The following CCDC91 variants were observed in gnomAD, a reference collection of about 807,000 sequenced individuals.
CCDC91 encodes the protein coiled-coil domain-containing protein 91.
Under a neutral mutation model 63.2 loss-of-function variants are expected in CCDC91, and 48 were observed. That is an observed-to-expected ratio of 0.76 (90% CI 0.60 to 0.97). The LOEUF is 0.97. CCDC91 is among the 50% of genes least tolerant of loss of function. CCDC91 has a pLI of 0.00. For missense variants in CCDC91, 500 were observed against 494.6 expected, an observed-to-expected ratio of 1.01 and a Z score of -0.10; for synonymous variants, 167 against 165.8, an observed-to-expected ratio of 1.01 and a Z score of -0.06.
chr12:28,290,148 C>G (rs1949153946), intron 3 of CCDC91, among the ~76,000 whole-genome samples: 1 of 152,082 alleles, frequency 6.6e-6, no homozygotes, highest in East Asian at 1.9e-4. Context: ...GTCTAAGGCT[C>G]TTTGAAGGTC....
At position 28,259,437 on chromosome 12, in the gene CCDC91, C is replaced by T; in HGVS notation, c.104C>T (p.Pro35Leu). Residue 35 changes from proline (P) to leucine (L), a missense_variant, in exon 3 of 13, where the codon CCT becomes CTT. By Grantham distance (98) the Pro-to-Leu change is moderately conservative (BLOSUM62 -3). Transcript: ENST00000536442. ...CCTGCTATTCCTTGGGCTGCCTTTCCTGCAGGTATTGGTATCCAGGAATTA... is the reference window on the plus strand; with the variant it reads ...CCTGCTATTCCTTGGGCTGCCTTTCTTGCAGGTATTGGTATCCAGGAATTA... The part of the protein sequence containing the change: ...TSPAIPWAAF[P>L]AVSGVHLSPS... 2 of 1,591,690 alleles carry T rather than the reference C, an allele frequency of 1.3e-6. No homozygotes were observed. Among genetic ancestry groups the T allele is most frequent in the South Asian group, 1.1e-5 (1 of 90,500 alleles).
rs543223510 is a variant in CCDC91 at position 28,416,127 on chromosome 12, A to G, written c.762+24716A>G. On this transcript the variant is annotated intron_variant, in intron 8 of 12. Transcript: ENST00000536442. ...CTTGGAGTTTCCAAAAATCTAACAC[A>G]GGAAAAAGGGTACTAATGTCTTTAT... is the stretch of plus-strand genomic sequence containing the variant. 3.4e-3 allele frequency among the ~76,000 whole-genome samples: 523 copies of G among 152,246 alleles called. 3 individuals carry two copies. Among genetic ancestry groups the G allele is most frequent in the Non-Finnish European group, 6.2e-3 (425 of 68,014 alleles).
intron 6 of CCDC91, among the ~76,000 whole-genome samples, chr12:28,339,539 A>G (rs960437650): frequency 6.6e-6 from 1 of 152,008 alleles, no homozygotes; most frequent in Non-Finnish European, 1.5e-5. Context: ...GAAAAAAAAA[A>G]CAATAAAAAT....
At chr12:28,247,218 C>T (rs1432580921) in intron 1 of CCDC91, among the ~76,000 whole-genome samples, 3 of 152,148 alleles carry the variant, frequency 2.0e-5, no homozygotes, top group African/African-American at 2.4e-5. Context: ...TGGTGGCTCA[C>T]GCCTGTAATC....
intron 11 of CCDC91, among the ~76,000 whole-genome samples, chr12:28,463,139 A>G (rs1467355497): frequency 4.6e-5 from 7 of 152,210 alleles, no homozygotes; most frequent in South Asian, 4.1e-4. Context: ...AACTACAGAA[A>G]TATGTCAAAT....
chr12:28,235,100 A>G (rs964856865), intron 1 of CCDC91, among the ~76,000 whole-genome samples: 2 of 152,126 alleles, frequency 1.3e-5, no homozygotes, highest in Non-Finnish European at 2.9e-5. Context: ...CAAATTTCTT[A>G]TATGGAGGGT....
intron 3 of CCDC91, among the ~76,000 whole-genome samples, chr12:28,292,585 G>C (rs1949317913): frequency 6.6e-6 from 1 of 151,292 alleles, no homozygotes. Flanking sequence ...CATGTGTTTA[G>C]GTATCTAGCT....
At chr12:28,277,328 A>G (rs1195628515) in intron 3 of CCDC91, among the ~76,000 whole-genome samples, 2 of 152,006 alleles carry the variant, frequency 1.3e-5, no homozygotes, top group Admixed American at 1.3e-4. Context: ...TTCTTTGATG[A>G]GGATAATAAA....
intron 11 of CCDC91, among the ~76,000 whole-genome samples, chr12:28,464,080 G>A (rs1424985924): frequency 1.3e-5 from 2 of 152,154 alleles, no homozygotes; most frequent in Non-Finnish European, 2.9e-5. Flanking sequence ...TGCTGCCCTT[G>A]TTATACCAGA....
chr12:28,362,206 T>C (rs1432703860), intron 6 of CCDC91, among the ~76,000 whole-genome samples: 1 of 151,388 alleles, frequency 6.6e-6, no homozygotes, highest in Non-Finnish European at 1.5e-5. Context: ...CCTCTCAACA[T>C]GGTTTTCCTT....
At chr12:28,517,177 A>G (rs1228433716) in intron 12 of CCDC91, among the ~76,000 whole-genome samples, 4 of 151,896 alleles carry the variant, frequency 2.6e-5, no homozygotes, top group Non-Finnish European at 5.9e-5. Flanking sequence ...ATATGCTTTT[A>G]AATTACTTAA....
chr12:28,310,592 T>C (rs527491438), intron 6 of CCDC91, among the ~76,000 whole-genome samples: 2 of 152,126 alleles, frequency 1.3e-5, no homozygotes, highest in South Asian at 2.1e-4. Context: ...AAATAAATTA[T>C]AGAAAAATGT....
intron 8 of CCDC91, among the ~76,000 whole-genome samples, chr12:28,425,864 T>C (rs1275575085): frequency 6.6e-6 from 1 of 152,154 alleles, no homozygotes; most frequent in African/African-American, 2.4e-5. Context: ...TCAGTCTGTT[T>C]CAGCAATCCC....
intron 8 of CCDC91, among the ~76,000 whole-genome samples, chr12:28,415,753 A>G (rs1947618300): frequency 6.6e-6 from 1 of 152,032 alleles, no homozygotes; most frequent in Non-Finnish European, 1.5e-5. Flanking sequence ...ACCTGAAAAT[A>G]TTCTTGTGAA....
intron 8 of CCDC91, among the ~76,000 whole-genome samples, chr12:28,426,521 C>T (rs1231381759): frequency 3.3e-5 from 5 of 151,942 alleles, no homozygotes; most frequent in Admixed American, 1.3e-4. Context: ...TCCTAAATCT[C>T]AAAATTTTGC....
At chr12:28,239,522 TATTAA>T (rs745349938) in intron 1 of CCDC91, among the ~76,000 whole-genome samples, 24 of 152,176 alleles carry the variant, frequency 1.6e-4, no homozygotes, top group Non-Finnish European at 4.4e-5. Flanking sequence ...CATATTAAGG[TATTAA>T]ATTAAAAGAA....
chr12:28,232,328 A>AT (rs1031547971), intron 1 of CCDC91, among the ~76,000 whole-genome samples: 3 of 150,486 alleles, frequency 2.0e-5, no homozygotes, highest in East Asian at 3.9e-4. Context: ...TTACTTAAAA[A>AT]TTTTTTTTTT....
intron 1 of CCDC91, among the ~76,000 whole-genome samples, chr12:28,233,974 G>A (rs1439515306): frequency 2.6e-5 from 4 of 151,966 alleles, no homozygotes; most frequent in African/African-American, 9.7e-5. Context: ...ACAGTTCAGT[G>A]GCATTAAGTA....
At chr12:28,524,959 T>G (rs150295398) in intron 12 of CCDC91, among the ~76,000 whole-genome samples, 1 of 152,184 alleles carries the variant, frequency 6.6e-6, no homozygotes, top group Non-Finnish European at 1.5e-5. Flanking sequence ...ATTTCATTTC[T>G]AATTGAGCTT....
Sources: gnomAD v4.1 joint callset for allele counts (sites outside exome capture counted in the v4.1 genomes callset) on GRCh38, gnomAD v4.1.1 for gene constraint, MANE v1.5 for transcripts, NCBI Gene and HGNC (gene_info 2026-07-23, HGNC 2026-07-21) for gene names.